Variants in RNF213 observed in about 807,000 individuals in gnomAD.
RNF213 encodes ring finger protein 213, also known as E3 ubiquitin-protein ligase RNF213.
In RNF213, 341 loss-of-function variants were observed where a neutral mutation model predicts 514.4. The ratio of observed to expected loss-of-function variants is 0.66; its 90% confidence interval spans 0.61 to 0.73. The LOEUF (loss-of-function observed/expected upper bound fraction) is 0.73. Ranked by LOEUF, RNF213 falls within the 30% of genes least tolerant of loss-of-function variation. The pLI is 0.00. For missense variants in RNF213, 5,767 were observed against 6,615.6 expected (o/e 0.87, Z 4.45); for synonymous variants, 2,655 against 2,658.2 (o/e 1.00, Z 0.04).
rs1190995111 is a variant in RNF213, at chr17:80,315,396, GTGGTGGTGGTAC to G, written c.2812-1788_2812-1777del. On this transcript the variant is annotated intron_variant, in intron 15 of 67. Transcript: ENST00000582970. ...GGAGGTAATGGAGGTGATGGTGGTG[GTGGTGGTGGTAC>G]TGGAGGTGATGGTGGAGGTAATGGA... 3.3e-3 allele frequency among the ~76,000 whole-genome samples: 26 copies of G among 7,850 alleles called. 6 individuals carry two copies. Among genetic ancestry groups the G allele is most frequent in the African/African-American group, 8.2e-3 (4 of 490 alleles). The allele number at this position is 7,850 out of a possible 152,430, so 5.1% of individuals were successfully genotyped here.
rs766969385 is a variant in RNF213, at chr17:80,358,423, G to A, written c.10998G>A (p.Met3666Ile). 11 of 1,614,214 alleles carry A rather than the reference G, an allele frequency of 6.8e-6. No individual in the cohort carries two copies. The East Asian group carries it at 1.6e-4, about 23-fold the overall frequency. ...DTPPWARDLW[M>I]FIFSDTMLLN... ...CGCCCTGGGCAAGAGATCTTTGGAT[G>A]TTTATTTTCAGTGACACGATGCTTC... The change falls in exon 37 of 68, where the codon ATG becomes ATA. Residue 3666 changes from methionine (M) to isoleucine (I), a missense_variant. By Grantham distance (10) the Met-to-Ile change is conservative (BLOSUM62 1). Around this residue, in one of 13 missense-constraint regions of RNF213, gnomAD observed 919 missense variants for 1,121.0 expected, o/e 0.82. Transcript: ENST00000582970.
chr17:80,362,125 C>G (rs1348585719), intron 39 of RNF213, among the ~76,000 whole-genome samples: 2 of 152,188 alleles, frequency 1.3e-5, no homozygotes, highest in Non-Finnish European at 2.9e-5. Flanking sequence ...TTTCTGTGAA[C>G]ATGAGAAGAC....
At position 80,373,110 on chromosome 17, in the gene RNF213, C is replaced by T; in HGVS notation, c.12887C>T (p.Ser4296Phe). Residue 4296 changes from serine to phenylalanine, a missense_variant, in exon 49 of 68, where the codon TCC (serine) becomes TTC (phenylalanine). Ser to Phe is a radical substitution (Grantham distance 155). Around this residue, in one of 13 missense-constraint regions of RNF213, gnomAD observed 1,245 missense variants for 1,339.0 expected, o/e 0.93. Transcript: ENST00000582970. ...QRGMEFVQGL[S>F]KPGRPHQWVF... ...GGGATGGAGTTCGTGCAGGGCCTCT[C>T]CAAGCCCGGCCGCCCGCACCAGTGG... The T allele has an allele frequency of 6.2e-7, 1 of 1,613,548 alleles. No individual in the cohort carries two copies. Among genetic ancestry groups the T allele is most frequent in the Non-Finnish European group, 8.5e-7 (1 of 1,179,986 alleles).
chr17:80,333,003 C>G (rs1209322464), intron 21 of RNF213, among the ~76,000 whole-genome samples: 1 of 151,880 alleles, frequency 6.6e-6, no homozygotes, highest in African/African-American at 2.4e-5. Context: ...CAGTTCCACC[C>G]AAAAGCGGTA....
chr17:80,323,160 G>A (rs1489068121), intron 17 of RNF213, among the ~76,000 whole-genome samples: 2 of 152,194 alleles, frequency 1.3e-5, no homozygotes, highest in African/African-American at 4.8e-5. Context: ...TCCCTGTTGA[G>A]TGATGTTGGC....
At chr17:80,285,265 G>T (rs2044430025) in intron 3 of RNF213, among the ~76,000 whole-genome samples, 1 of 152,216 alleles carries the variant, frequency 6.6e-6, no homozygotes, top group Non-Finnish European at 1.5e-5. Flanking sequence ...GGCCCACGGT[G>T]GCTCAGTGAC....
chr17:80,329,171 C>T (rs1031297327), intron 20 of RNF213, among the ~76,000 whole-genome samples: 4 of 152,218 alleles, frequency 2.6e-5, no homozygotes, highest in South Asian at 4.1e-4. Context: ...GTGGTTCCCA[C>T]GCCCCCCTCC....
At chr17:80,289,900 C>T in intron 6 of RNF213, 63 bp downstream of exon 6, 4 of 1,496,268 alleles carry the variant, frequency 2.7e-6, no homozygotes, top group Non-Finnish European at 3.7e-6. Context: ...CACCCTCTCC[C>T]TGCACAACTC....
At position 80,299,860 on chromosome 17, in the gene RNF213, A is replaced by G. The variant is rs141875024; in HGVS notation, c.2210+1342A>G. The stretch of plus-strand genomic sequence containing the variant: ...TAATTTGCTAAGGATAATGGCCTCC[A>G]GCTCCATCTATGTTCCTGCAAAGGA... On this transcript the variant is annotated intron_variant, in intron 11 of 67. Transcript: ENST00000582970. Among the ~76,000 whole-genome samples the G allele has an allele frequency of 1.8e-3, 271 of 152,296 alleles. 9 individuals carry two copies. The South Asian group carries it at 0.027, about 15-fold the overall frequency.
intron 28 of RNF213, 57 bp downstream of exon 28, chr17:80,344,072 C>G (rs1304349276): frequency 1.0e-5 from 16 of 1,580,178 alleles, no homozygotes; most frequent in African/African-American, 1.4e-5. Context: ...TCTTTCTGGT[C>G]TTACTGAAGT....
At chr17:80,289,221 G>A (rs887815692) in intron 5 of RNF213, among the ~76,000 whole-genome samples, 1 of 152,176 alleles carries the variant, frequency 6.6e-6, no homozygotes, top group Non-Finnish European at 1.5e-5. Context: ...TGGCCCCAGC[G>A]GCACTGGAAG....
At chr17:80,376,231 A>G in intron 51 of RNF213, 70 bp from the exon 52 acceptor site, 1 of 1,542,624 alleles carries the variant, frequency 6.5e-7, no homozygotes, top group Non-Finnish European at 9.0e-7. Flanking sequence ...ATTTGGTGTC[A>G]GTGTATGTCT....
chr17:80,352,090 T>G (rs1161061407), intron 32 of RNF213: 1 of 301,330 alleles, frequency 3.3e-6, no homozygotes, highest in Non-Finnish European at 6.3e-6. Flanking sequence ...GTTGACCTCA[T>G]GATCCGCTCG....
intron 10 of RNF213, among the ~76,000 whole-genome samples, chr17:80,297,011 G>A (rs908404409): frequency 5.9e-5 from 9 of 151,462 alleles, no homozygotes; most frequent in Admixed American, 2.0e-4. Flanking sequence ...CCAAATAAAC[G>A]CCGCACATTT....
chr17:80,368,479 C>T (rs1190726625), intron 44 of RNF213, among the ~76,000 whole-genome samples: 1 of 146,554 alleles, frequency 6.8e-6, no homozygotes. Flanking sequence ...GTTGCCCAGG[C>T]TGGAGTACAG....
chr17:80,290,430 C>T (rs552116412), intron 6 of RNF213, 140 bp from the exon 7 acceptor site: 37 of 966,658 alleles, frequency 3.8e-5, no homozygotes, highest in East Asian at 1.5e-4. Context: ...TGCGAGTGTG[C>T]GCGTGTGTGC....
intron 55 of RNF213, 44 bp downstream of exon 55, chr17:80,379,758 G>C (rs1482300950): frequency 4.6e-6 from 7 of 1,524,186 alleles, no homozygotes; most frequent in Non-Finnish European, 6.4e-6. Flanking sequence ...CAAACTTTGG[G>C]GTGTTGGGCT....
At chr17:80,338,819 G>A (rs1003227705) in intron 25 of RNF213, among the ~76,000 whole-genome samples, 1 of 151,414 alleles carries the variant, frequency 6.6e-6, no homozygotes, top group African/African-American at 2.4e-5. Context: ...ATGGTGGCAC[G>A]TGCCTGTAAT....
At position 80,306,471 on chromosome 17, in the gene RNF213, T is replaced by G; in HGVS notation, c.2427+3T>G. 1 of 1,613,932 alleles carries G rather than the reference T, an allele frequency of 6.2e-7. No homozygotes were observed. Among genetic ancestry groups the G allele is most frequent in the Non-Finnish European group, 8.5e-7 (1 of 1,179,946 alleles). On this transcript the variant is annotated splice_donor_region_variant and intron_variant, in intron 12 of 67. Coordinates refer to ENST00000582970, the MANE Select transcript of RNF213 (RefSeq NM_001256071.3). ...TTGAGCAAGTCTTGAATACGCAGGTTTGTGTCTGAAGTCGGCTCTGGAGTC... is the reference window on the plus strand; with the variant it reads ...TTGAGCAAGTCTTGAATACGCAGGTGTGTGTCTGAAGTCGGCTCTGGAGTC...
Sources: gnomAD v4.1 joint callset for allele counts (sites outside exome capture counted in the v4.1 genomes callset) on GRCh38, gnomAD v4.1.1 for gene constraint, gnomAD v4.1.1 regional missense constraint, MANE v1.5 for transcripts, NCBI Gene and HGNC (gene_info 2026-07-23, HGNC 2026-07-21) for gene names.